Variants in PAX5 observed in about 807,000 individuals in gnomAD.
PAX5 encodes the protein paired box protein Pax-5.
In PAX5, 9 loss-of-function variants were observed where a neutral mutation model predicts 43.7. The observed-to-expected ratio is 0.21, with a 90% CI of 0.12 to 0.36. PAX5 has a LOEUF of 0.36. Among genes scored for constraint, PAX5 ranks in the 10% least tolerant of loss-of-function variants. The pLI, the probability that PAX5 is intolerant of heterozygous loss-of-function variation, is 1.00. For synonymous variants in PAX5, 228 were observed against 214.3 expected, an observed-to-expected ratio of 1.06 and a Z score of -0.56; for missense variants, 383 against 532.7, an observed-to-expected ratio of 0.72 and a Z score of 2.77.
intron 8 of PAX5, among the ~76,000 whole-genome samples, chr9:36,872,662 T>A (rs1439697878): frequency 6.6e-6 from 1 of 152,192 alleles, no homozygotes; most frequent in Non-Finnish European, 1.5e-5. Context: ...AAAGCCTACA[T>A]GTGTGTATCA....
chr9:36,843,084 G>A (rs937782161), intron 9 of PAX5, among the ~76,000 whole-genome samples: 1 of 151,944 alleles, frequency 6.6e-6, no homozygotes, highest in African/African-American at 2.4e-5. Context: ...GTGTGCCTGT[G>A]TGTGTGTGCG....
At chr9:36,896,621 A>T (rs1025922075) in intron 7 of PAX5, among the ~76,000 whole-genome samples, 3 of 152,166 alleles carry the variant, frequency 2.0e-5, no homozygotes, top group Non-Finnish European at 2.9e-5. Context: ...CCAGGGCCGA[A>T]CTATCTCACA....
intron 6 of PAX5, among the ~76,000 whole-genome samples, chr9:36,951,552 A>G (rs963242365): frequency 9.9e-5 from 15 of 152,194 alleles, no homozygotes; most frequent in South Asian, 6.2e-4. Flanking sequence ...TTATTTGGTT[A>G]GTATTGCCAT....
chr9:36,855,099 G>A lies in PAX5; in HGVS notation c.1013-8170C>T, dbSNP rs73648136. Among the ~76,000 whole-genome samples the A allele has an allele frequency of 1.3e-3, 201 of 152,340 alleles. 1 individual carries two copies. Among genetic ancestry groups the A allele is most frequent in the African/African-American group, 4.4e-3 (182 of 41,580 alleles). On this transcript the variant is annotated intron_variant, in intron 8 of 9. Coordinates refer to ENST00000358127, the MANE Select transcript of PAX5 (RefSeq NM_016734.3). Reference sequence around the variant, plus strand: ...AAACCCAAATCCAAGGATCCTCTAGGGAATTCAGTGGAAACAAACTCCACT... The same window carrying A: ...AAACCCAAATCCAAGGATCCTCTAGAGAATTCAGTGGAAACAAACTCCACT...
At position 36,973,083 on chromosome 9, in the gene PAX5, C is replaced by CGGAAAGGAAA. The variant is rs1171700120; in HGVS notation, c.605-6369_605-6360dup. Among the ~76,000 whole-genome samples the CGGAAAGGAAA allele has an allele frequency of 8.8e-3, 656 of 74,374 alleles. 14 individuals carry two copies. The highest frequency in any genetic ancestry group is 0.016 in the Middle Eastern group (3 of 184). The allele number at this position is 74,374 out of a possible 152,430, so 48.8% of individuals were successfully genotyped here. On this transcript the variant is annotated intron_variant, in intron 5 of 9. Coordinates refer to ENST00000358127, the MANE Select transcript of PAX5 (RefSeq NM_016734.3). Reference sequence around the variant, plus strand: ...AGGAAAGGAAAGGAACGGAACGGAACGGAAAGGAAAGGAAAGGAAAGGAAA... The same window carrying CGGAAAGGAAA: ...AGGAAAGGAAAGGAACGGAACGGAACGGAAAGGAAAGGAAAGGAAAGGAAAGGAAAGGAAA...
chr9:36,865,754 C>G (rs1007975147), intron 8 of PAX5, among the ~76,000 whole-genome samples: 1 of 152,184 alleles, frequency 6.6e-6, no homozygotes, highest in Non-Finnish European at 1.5e-5. Flanking sequence ...ACAATTTGCC[C>G]CAGTTTTTCT....
chr9:36,980,928 G>T (rs976779288), intron 5 of PAX5, among the ~76,000 whole-genome samples: 1 of 151,896 alleles, frequency 6.6e-6, no homozygotes, highest in Non-Finnish European at 1.5e-5. Context: ...GTACTTAACT[G>T]GGTACCCCCC....
intron 7 of PAX5, among the ~76,000 whole-genome samples, chr9:36,886,819 C>T (rs1447620882): frequency 1.3e-5 from 2 of 152,132 alleles, no homozygotes; most frequent in Non-Finnish European, 2.9e-5. Flanking sequence ...ATTAATGGCA[C>T]GTAAGTACAT....
intron 8 of PAX5, among the ~76,000 whole-genome samples, chr9:36,873,456 C>T (rs996770809): frequency 6.6e-6 from 1 of 152,246 alleles, no homozygotes; most frequent in Non-Finnish European, 1.5e-5. Context: ...GGCAGAGTGA[C>T]TGGAGGCCAC....
chr9:36,977,153 C>T (rs1379704245), intron 5 of PAX5, among the ~76,000 whole-genome samples: 1 of 152,196 alleles, frequency 6.6e-6, no homozygotes, highest in East Asian at 1.9e-4. Flanking sequence ...CTATTCAGAG[C>T]TCACTCTGCG....
intron 5 of PAX5, among the ~76,000 whole-genome samples, chr9:36,989,687 G>T (rs1836763802): frequency 1.3e-5 from 2 of 152,274 alleles, no homozygotes; most frequent in South Asian, 4.1e-4. Flanking sequence ...GTCTAGAATG[G>T]CTGTCACAAG....
chr9:36,965,220 G>A (rs1049195073), intron 6 of PAX5, among the ~76,000 whole-genome samples: 2 of 152,120 alleles, frequency 1.3e-5, no homozygotes, highest in Non-Finnish European at 2.9e-5. Context: ...TGTAACCCAT[G>A]ACCCTTTAGG....
intron 5 of PAX5, among the ~76,000 whole-genome samples, chr9:36,975,089 G>A (rs1012278869): frequency 4.6e-5 from 7 of 152,300 alleles, no homozygotes; most frequent in South Asian, 2.1e-4. Context: ...TCCTCAGCAC[G>A]TTGCATGGGC....
intron 8 of PAX5, among the ~76,000 whole-genome samples, chr9:36,862,459 C>T (rs1358532704): frequency 1.3e-5 from 2 of 152,200 alleles, no homozygotes; most frequent in African/African-American, 2.4e-5. Flanking sequence ...GGTCCTCATG[C>T]TGCTTCAGAT....
At chr9:36,931,922 T>C (rs1478237664) in intron 6 of PAX5, among the ~76,000 whole-genome samples, 2 of 151,874 alleles carry the variant, frequency 1.3e-5, no homozygotes, top group African/African-American at 2.4e-5. Flanking sequence ...GAGTATTTGA[T>C]GACATGAATG....
At chr9:36,942,129 C>T (rs1444468284) in intron 6 of PAX5, among the ~76,000 whole-genome samples, 8 of 152,198 alleles carry the variant, frequency 5.3e-5, no homozygotes, top group Admixed American at 4.6e-4. Context: ...AGGAGCCTGA[C>T]CCTCTCCTTG....
intron 7 of PAX5, among the ~76,000 whole-genome samples, chr9:36,910,298 G>C (rs1829160909): frequency 6.6e-6 from 1 of 152,120 alleles, no homozygotes; most frequent in Non-Finnish European, 1.5e-5. Flanking sequence ...CGCAAAGGCA[G>C]CATGCTGTAT....
At chr9:36,926,276 G>A (rs1830633542) in intron 6 of PAX5, among the ~76,000 whole-genome samples, 1 of 151,914 alleles carries the variant, frequency 6.6e-6, no homozygotes, top group South Asian at 2.1e-4. Context: ...CAACTTGCTG[G>A]TCCCAACATT....
chr9:36,968,855 G>A (rs1288417661), intron 5 of PAX5, among the ~76,000 whole-genome samples: 1 of 152,190 alleles, frequency 6.6e-6, no homozygotes, highest in East Asian at 1.9e-4. Context: ...GCCCAGCAGT[G>A]TTCTTCCATT....
Sources: allele counts gnomAD v4.1 joint callset (sites outside exome capture counted in the v4.1 genomes callset), GRCh38; gene constraint gnomAD v4.1.1; transcripts MANE v1.5; gene names NCBI Gene and HGNC (gene_info 2026-07-23, HGNC 2026-07-21).